The following KCNU1 variants were observed in gnomAD, a reference collection of about 807,000 sequenced individuals.
KCNU1 encodes the protein potassium channel subfamily U member 1.
A neutral mutation model predicts 126.8 loss-of-function variants in KCNU1; 93 were observed. The observed-to-expected ratio is 0.73, with a 90% confidence interval of 0.62 to 0.87. The LOEUF (loss-of-function observed/expected upper bound fraction) is 0.87. Ranked by LOEUF, KCNU1 falls within the 40% of genes least tolerant of loss-of-function variation. KCNU1 has a pLI of 0.00. For missense variants in KCNU1, 1,330 were observed against 1,367.1 expected (o/e 0.97, Z 0.43); for synonymous variants, 523 against 494.2 (o/e 1.06, Z -0.77).
intron 19 of KCNU1, among the ~76,000 whole-genome samples, chr8:36,868,119 G>T (rs987466368): frequency 1.3e-5 from 2 of 152,078 alleles, no homozygotes; most frequent in Non-Finnish European, 2.9e-5. Context: ...TCCATTTGAG[G>T]GTGAGTCTCT....
At chr8:36,832,931 A>T (rs1563283184) in intron 10 of KCNU1, among the ~76,000 whole-genome samples, 1 of 151,876 alleles carries the variant, frequency 6.6e-6, no homozygotes, top group African/African-American at 2.4e-5. Context: ...TATTTTTAGC[A>T]CTCTATTTTT....
At chr8:36,791,913 T>C (rs1020010335) in intron 2 of KCNU1, among the ~76,000 whole-genome samples, 2 of 152,164 alleles carry the variant, frequency 1.3e-5, no homozygotes, top group African/African-American at 4.8e-5. Context: ...TATTTTATAT[T>C]GAATATACCA....
intron 24 of KCNU1, among the ~76,000 whole-genome samples, chr8:36,924,421 A>G (rs1808468038): frequency 6.6e-6 from 1 of 152,194 alleles, no homozygotes; most frequent in South Asian, 2.1e-4. Flanking sequence ...TCCCTCCCTG[A>G]CATCAATGCC....
At chr8:36,845,751 C>G (rs1311005877) in intron 17 of KCNU1, 51 bp from the exon 18 acceptor site, 1 of 1,483,036 alleles carries the variant, frequency 6.7e-7, no homozygotes, top group Admixed American at 1.7e-5. Context: ...ACCATGCCTC[C>G]TTTGCATTAA....
At position 36,935,749 on chromosome 8, in the gene KCNU1, G is replaced by A; in HGVS notation, c.3279G>A (p.Gln1093=). 1.9e-6 allele frequency: 3 copies of A among 1,613,412 alleles called. No individual in the cohort carries two copies. Among genetic ancestry groups the A allele is most frequent in the Non-Finnish European group, 2.5e-6 (3 of 1,179,546 alleles). Reference sequence around the variant, plus strand: ...TGTATTCACCAGTCTATTCTTACCAGCCGAGAACTAACTCCCTCTCTTTTC... The same window carrying A: ...TGTATTCACCAGTCTATTCTTACCAACCGAGAACTAACTCCCTCTCTTTTC... The part of the protein sequence containing the change: ...ETLYSPVYSY[Q]PRTNSLSFPK... Residue 1093 remains glutamine, a synonymous_variant, in exon 27 of 27, where the codon CAG becomes CAA. Transcript: ENST00000399881.
At chr8:36,866,243 A>G (rs1298548355) in intron 19 of KCNU1, among the ~76,000 whole-genome samples, 1 of 152,108 alleles carries the variant, frequency 6.6e-6, no homozygotes, top group African/African-American at 2.4e-5. Context: ...TGGTTTTGAT[A>G]CAATTTACCT....
intron 19 of KCNU1, among the ~76,000 whole-genome samples, chr8:36,867,119 T>G (rs1805939007): frequency 6.6e-6 from 1 of 152,012 alleles, no homozygotes; most frequent in Admixed American, 6.6e-5. Flanking sequence ...AATAAACACA[T>G]AATAAAAGCC....
intron 19 of KCNU1, among the ~76,000 whole-genome samples, chr8:36,893,048 G>A (rs1807032240): frequency 6.6e-6 from 1 of 152,062 alleles, no homozygotes; most frequent in African/African-American, 2.4e-5. Flanking sequence ...TGCAACATCT[G>A]CCTCCTGGGA....
chr8:36,872,382 A>C (rs1370139583), intron 19 of KCNU1, among the ~76,000 whole-genome samples: 1 of 152,080 alleles, frequency 6.6e-6, no homozygotes, highest in Non-Finnish European at 1.5e-5. Flanking sequence ...ATGCTATGCT[A>C]TGTTAGCTTT....
chr8:36,917,911 C>G (rs1808180106), intron 22 of KCNU1, among the ~76,000 whole-genome samples: 2 of 152,080 alleles, frequency 1.3e-5, no homozygotes, highest in Non-Finnish European at 2.9e-5. Flanking sequence ...TTTAAGAAAC[C>G]CCACAGCCTT....
At chr8:36,868,975 G>T (rs1806005848) in intron 19 of KCNU1, among the ~76,000 whole-genome samples, 1 of 151,788 alleles carries the variant, frequency 6.6e-6, no homozygotes, top group Non-Finnish European at 1.5e-5. Flanking sequence ...TTCCACTTTG[G>T]GTGAGTTACG....
At chr8:36,909,713 A>G (rs1278704312) in intron 21 of KCNU1, among the ~76,000 whole-genome samples, 178 bp downstream of exon 21, 1 of 152,350 alleles carries the variant, frequency 6.6e-6, no homozygotes, top group Admixed American at 6.5e-5. Flanking sequence ...TAGATATTAA[A>G]TTTATTGAAC....
chr8:36,804,145 T>C, intron 3 of KCNU1, 57 bp downstream of exon 3: 1 of 1,220,190 alleles, frequency 8.2e-7, no homozygotes, highest in Non-Finnish European at 1.2e-6. Context: ...CTCGGCTAAT[T>C]TGGAATTTTC....
chr8:36,804,806 A>T (rs762255080), intron 3 of KCNU1, among the ~76,000 whole-genome samples: 1 of 152,202 alleles, frequency 6.6e-6, no homozygotes, highest in South Asian at 2.1e-4. Context: ...GGTTCAGATC[A>T]ATCCATTTGA....
chr8:36,870,121 G>A (rs1465452973), intron 19 of KCNU1, among the ~76,000 whole-genome samples: 1 of 152,066 alleles, frequency 6.6e-6, no homozygotes, highest in Admixed American at 6.6e-5. Context: ...CTATTTTCTA[G>A]TGCCTTCCAG....
At chr8:36,905,348 A>G (rs1807580914) in intron 19 of KCNU1, among the ~76,000 whole-genome samples, 1 of 152,122 alleles carries the variant, frequency 6.6e-6, no homozygotes, top group South Asian at 2.1e-4. Flanking sequence ...TTTAAATTCT[A>G]TATTCAGGTG....
intron 14 of KCNU1, 130 bp downstream of exon 14, chr8:36,837,075 G>A (rs778739399): frequency 2.3e-5 from 19 of 816,516 alleles, no homozygotes; most frequent in Non-Finnish European, 3.3e-5. Context: ...TGCTTGAGCT[G>A]GGAAGGGATT....
chr8:36,823,681 C>T lies in KCNU1; in HGVS notation c.1106+5921C>T, dbSNP rs547721090. ...CCATATGAATGCCAATAAATATTTTCCAATTTCTCCAATATGTAATAATAC... is the reference window on the plus strand; with the variant it reads ...CCATATGAATGCCAATAAATATTTTTCAATTTCTCCAATATGTAATAATAC... On this transcript the variant is annotated intron_variant, in intron 10 of 26. Coordinates refer to ENST00000399881, the MANE Select transcript of KCNU1 (RefSeq NM_001031836.3). Among the ~76,000 whole-genome samples the T allele has an allele frequency of 1.6e-3, 248 of 151,858 alleles. 2 individuals are homozygous for T. Among genetic ancestry groups the T allele is most frequent in the Non-Finnish European group, 2.6e-3 (180 of 67,946 alleles).
chr8:36,905,944 T>C (rs1193869003), intron 20 of KCNU1, 140 bp downstream of exon 20: 33 of 540,936 alleles, frequency 6.1e-5, no homozygotes. Flanking sequence ...CCCACATCCC[T>C]CACCAGCCAT....
Sources: gnomAD v4.1 joint callset for allele counts (sites outside exome capture counted in the v4.1 genomes callset) on GRCh38, gnomAD v4.1.1 for gene constraint, MANE v1.5 for transcripts, NCBI Gene and HGNC (gene_info 2026-07-23, HGNC 2026-07-21) for gene names.